The following EYS variants were observed in gnomAD, a reference collection of about 807,000 sequenced individuals.
EYS encodes the protein protein eyes shut homolog.
EYS carries 250 observed loss-of-function variants against 282.1 expected under a neutral mutation model. The ratio of observed to expected loss-of-function variants is 0.89; its 90% confidence interval spans 0.80 to 0.98. The LOEUF (loss-of-function observed/expected upper bound fraction) is 0.98, where lower values mean the gene tolerates loss of function less well. EYS is among the 50% of genes least tolerant of loss of function. The pLI is 0.00. For synonymous variants in EYS, 1,355 were observed against 1,282.9 expected (o/e 1.06, Z -1.20); for missense variants, 4,016 against 3,709.0 (o/e 1.08, Z -2.15).
intron 12 of EYS, among the ~76,000 whole-genome samples, chr6:65,063,650 G>A (rs1486231483): frequency 6.6e-6 from 1 of 152,054 alleles, no homozygotes; most frequent in Non-Finnish European, 1.5e-5. Flanking sequence ...GAAATCTAAA[G>A]TTAAAGGAAA....
At chr6:65,452,328 ATT>A (rs71850095) in intron 5 of EYS, among the ~76,000 whole-genome samples, 6 of 149,064 alleles carry the variant, frequency 4.0e-5, no homozygotes, top group East Asian at 1.9e-4. Flanking sequence ...ACATGGAAAG[ATT>A]TTTTTTTTTA....
At chr6:64,392,447 C>T (rs1773187905) in intron 28 of EYS, among the ~76,000 whole-genome samples, 1 of 151,128 alleles carries the variant, frequency 6.6e-6, no homozygotes, top group African/African-American at 2.4e-5. Flanking sequence ...ACACTGCAAT[C>T]AAACTAGAAC....
At chr6:64,827,854 G>A (rs1308883155) in intron 19 of EYS, among the ~76,000 whole-genome samples, 1 of 151,700 alleles carries the variant, frequency 6.6e-6, no homozygotes, top group Admixed American at 6.6e-5. Context: ...ATGCAGCCAT[G>A]GTGTTTAAAG....
At chr6:65,435,688 T>C (rs547004184) in intron 5 of EYS, among the ~76,000 whole-genome samples, 1 of 152,170 alleles carries the variant, frequency 6.6e-6, no homozygotes, top group Non-Finnish European at 1.5e-5. Flanking sequence ...GACTGAATTG[T>C]GTCCTTGTCA....
Position 65,695,898 on chromosome 6 carries a change from T to C in EYS, c.-448+11237A>G, listed in dbSNP as rs561433329. ...ACAGAAACATACATGGTTCTGTATT[T>C]ATAGTGTTAAGAAATGACAAGTTAA... is the stretch of plus-strand genomic sequence containing the variant. On this transcript the variant is annotated intron_variant, in intron 1 of 42. Transcript: ENST00000503581. Among the ~76,000 whole-genome samples, 10 of 152,150 alleles carry C rather than the reference T, an allele frequency of 6.6e-5. No homozygotes were observed. In the East Asian group the frequency reaches 1.9e-3, roughly 29 times the overall value.
intron 30 of EYS, among the ~76,000 whole-genome samples, chr6:64,296,367 ATTACT>A (rs1323243193): frequency 6.6e-6 from 1 of 152,044 alleles, no homozygotes; most frequent in African/African-American, 2.4e-5. Flanking sequence ...CATTCTTATC[ATTACT>A]TTTATTTGTT....
At chr6:64,708,248 TG>T (rs1304138637) in intron 22 of EYS, among the ~76,000 whole-genome samples, 1 of 152,178 alleles carries the variant, frequency 6.6e-6, no homozygotes, top group Non-Finnish European at 1.5e-5. Context: ...TGTGCAAAAA[TG>T]TACCTGCATT....
At chr6:63,847,828 G>A (rs1489192172) in intron 36 of EYS, among the ~76,000 whole-genome samples, 1 of 152,138 alleles carries the variant, frequency 6.6e-6, no homozygotes, top group Non-Finnish European at 1.5e-5. Context: ...TTTTATGAGT[G>A]AAGATTCATA....
At chr6:64,976,369 AT>A (rs1298937621) in intron 14 of EYS, among the ~76,000 whole-genome samples, 1 of 151,522 alleles carries the variant, frequency 6.6e-6, no homozygotes, top group Non-Finnish European at 1.5e-5. Flanking sequence ...TCAGGCTGCT[AT>A]TAAAAAAAAA....
intron 28 of EYS, among the ~76,000 whole-genome samples, chr6:64,425,329 G>T (rs562573437): frequency 6.6e-6 from 1 of 152,240 alleles, no homozygotes; most frequent in East Asian, 1.9e-4. Flanking sequence ...TGAGAAGCAG[G>T]CAAGAGAGAA....
intron 12 of EYS, among the ~76,000 whole-genome samples, chr6:65,164,050 T>C (rs1321471607): frequency 6.6e-6 from 1 of 151,280 alleles, no homozygotes; most frequent in Non-Finnish European, 1.5e-5. Context: ...TCTAGCTTAA[T>C]CATACATGAG....
At chr6:65,514,241 A>G (rs1344261535) in intron 2 of EYS, among the ~76,000 whole-genome samples, 1 of 152,116 alleles carries the variant, frequency 6.6e-6, no homozygotes, top group Non-Finnish European at 1.5e-5. Context: ...AGGGACGTGA[A>G]GGACCTCTTC....
intron 30 of EYS, among the ~76,000 whole-genome samples, chr6:64,297,256 C>T (rs1561914288): frequency 6.6e-6 from 1 of 152,136 alleles, no homozygotes; most frequent in African/African-American, 2.4e-5. Context: ...GTTGTTACTC[C>T]CCACCACCTT....
At chr6:64,014,644 T>A (rs536157239) in intron 33 of EYS, among the ~76,000 whole-genome samples, 1 of 152,184 alleles carries the variant, frequency 6.6e-6, no homozygotes, top group Non-Finnish European at 1.5e-5. Context: ...AATATACTTA[T>A]CACTCTAAGT....
rs146770011 is a variant in EYS at position 65,207,666 on chromosome 6, T to C, written c.2023+88197A>G. ...TACGAACCAAAAGATCAAGTACTGA[T>C]ATAAAAATAAACACATAGATCAGTA... On this transcript the variant is annotated intron_variant, in intron 12 of 42. Coordinates refer to ENST00000503581, the MANE Select transcript of EYS (RefSeq NM_001142800.2). Among the ~76,000 whole-genome samples, 57 of 151,754 alleles carry C rather than the reference T, an allele frequency of 3.8e-4. 1 individual carries two copies. Among genetic ancestry groups the C allele is most frequent in the African/African-American group, 1.2e-3 (50 of 41,468 alleles).
intron 31 of EYS, among the ~76,000 whole-genome samples, chr6:64,129,582 C>T (rs1773899168): frequency 6.6e-6 from 1 of 152,074 alleles, no homozygotes; most frequent in South Asian, 2.1e-4. Context: ...CTGTAGGTTG[C>T]CTGTTCACTC....
At chr6:64,498,924 G>T (rs542482382) in intron 26 of EYS, among the ~76,000 whole-genome samples, 1 of 152,110 alleles carries the variant, frequency 6.6e-6, no homozygotes, top group Non-Finnish European at 1.5e-5. Flanking sequence ...CAATAAACAC[G>T]TGTGCATGTG....
intron 19 of EYS, among the ~76,000 whole-genome samples, chr6:64,836,084 A>G (rs1390427544): frequency 6.6e-6 from 1 of 151,486 alleles, no homozygotes; most frequent in Non-Finnish European, 1.5e-5. Flanking sequence ...CGTAATTTTT[A>G]TATATTACTT....
In EYS at chr6:63,848,593, A is replaced by G. The variant is rs1248065737; in HGVS notation, c.7228+15593T>C. The stretch of plus-strand genomic sequence containing the variant: ...GGAAGTGCAAGGGGCTGGGAACTCC[A>G]TCCCCTAGCCACAGGAAGCTGTGAG... On this transcript the variant is annotated intron_variant, in intron 36 of 42. Transcript: ENST00000503581. 7.2e-5 allele frequency among the ~76,000 whole-genome samples: 11 copies of G among 151,958 alleles called. 1 individual carries two copies. Among genetic ancestry groups the G allele is most frequent in the Admixed American group, 6.6e-4 (10 of 15,260 alleles).
Sources: gnomAD v4.1 joint callset for allele counts (sites outside exome capture counted in the v4.1 genomes callset) on GRCh38, gnomAD v4.1.1 for gene constraint, MANE v1.5 for transcripts, NCBI Gene and HGNC (gene_info 2026-07-23, HGNC 2026-07-21) for gene names.